Variants in PSMG1 observed in about 807,000 individuals in gnomAD.
PSMG1 encodes the protein Down syndrome critical region gene 2.
PSMG1 carries 23 observed loss-of-function variants against 37.2 expected under a neutral mutation model. The ratio of observed to expected loss-of-function variants is 0.62; its 90% confidence interval spans 0.44 to 0.88. The LOEUF is 0.88. PSMG1 is among the 40% of genes least tolerant of loss of function. The probability of loss-of-function intolerance (pLI) is 0.00; values close to 1 mark genes in which losing one functional copy is unlikely to be tolerated. For synonymous variants in PSMG1, 127 were observed against 128.0 expected, an observed-to-expected ratio of 0.99 and a Z score of 0.05; for missense variants, 340 against 344.2, an observed-to-expected ratio of 0.99 and a Z score of 0.10.
In PSMG1 at chr21:39,183,237, A is replaced by G; in HGVS notation, c.134+15T>C. 1 of 1,571,096 alleles carries G rather than the reference A, an allele frequency of 6.4e-7. No homozygotes were observed. Among genetic ancestry groups the G allele is most frequent in the Admixed American group, 1.8e-5 (1 of 56,888 alleles). ...CAGCTGCGGTGAGCGCGCTGCCCTTATCCCGGTGCCTCACCTCTTCCGCGC... is the reference window on the plus strand; with the variant it reads ...CAGCTGCGGTGAGCGCGCTGCCCTTGTCCCGGTGCCTCACCTCTTCCGCGC... On this transcript the variant is annotated intron_variant, in intron 1 of 6. Coordinates refer to ENST00000331573, the MANE Select transcript of PSMG1 (RefSeq NM_003720.4).
chr21:39,181,528 G>A (rs2146411544), intron 2 of PSMG1, among the ~76,000 whole-genome samples: 1 of 151,928 alleles, frequency 6.6e-6, no homozygotes, highest in Admixed American at 6.5e-5. Flanking sequence ...AGCTGAGGCA[G>A]GAGGATCACT....
In PSMG1 at chr21:39,174,782, G is replaced by C. The variant is rs1350281811; in HGVS notation, c.*808C>G. 6.6e-6 allele frequency: 1 copy of C among 152,188 alleles called. No individual in the cohort carries two copies. Among genetic ancestry groups the C allele is most frequent in the Non-Finnish European group, 1.5e-5 (1 of 68,038 alleles). The allele number at this position is 152,188 out of a possible 1,614,324, so 9.4% of individuals were successfully genotyped here. On this transcript the variant is annotated 3_prime_UTR_variant, in exon 7 of 7. Coordinates refer to ENST00000331573, the MANE Select transcript of PSMG1 (RefSeq NM_003720.4). ...AGTTTGTGGTCCTGTGAAGTTGTGT[G>C]GCTACTCCGGGTTCATGATTCCATT... is the stretch of plus-strand genomic sequence containing the variant.
chr21:39,178,966 G>A, intron 4 of PSMG1: 2 of 347,006 alleles, frequency 5.8e-6, no homozygotes, highest in Non-Finnish European at 1.1e-5. Flanking sequence ...GGAGGTGACT[G>A]GATATGGGGG....
rs538626938 is a variant in PSMG1, at chr21:39,181,385, C to T, written c.241+387G>A. On this transcript the variant is annotated intron_variant, in intron 2 of 6. Coordinates refer to ENST00000331573, the MANE Select transcript of PSMG1 (RefSeq NM_003720.4). ...TCCTGGCCTCAAGTGATCCTCCCGC[C>T]TCGGCCTCCCAAAGAGCTGGGGTTA... is the stretch of plus-strand genomic sequence containing the variant. 8.5e-5 allele frequency among the ~76,000 whole-genome samples: 13 copies of T among 152,088 alleles called. No homozygotes were observed. The South Asian group carries it at 2.7e-3, about 32-fold the overall frequency.
intron 4 of PSMG1, among the ~76,000 whole-genome samples, chr21:39,179,306 C>T (rs1399038860): frequency 6.6e-6 from 1 of 152,182 alleles, no homozygotes; most frequent in Non-Finnish European, 1.5e-5. Flanking sequence ...AATGCCAGCA[C>T]TACCTACTTA....
At position 39,178,629 on chromosome 21, in the gene PSMG1, T is replaced by C; in HGVS notation, c.475A>G (p.Arg159Gly). The change falls in exon 5 of 7, where the codon AGG becomes GGG. Residue 159 changes from arginine (R) to glycine (G), a missense_variant. Physicochemically the swap from Arg to Gly is moderately radical, Grantham distance 125. Coordinates refer to ENST00000331573, the MANE Select transcript of PSMG1 (RefSeq NM_003720.4). ...WLEKVFGSCP[R>G]KNMQITILTC... ...AGAATAGTTATCTGCATGTTCTTCC[T>C]TGGACAAGAGCCAAAAACCTAACAT... 2 of 1,613,664 alleles carry C rather than the reference T, an allele frequency of 1.2e-6. No individual in the cohort carries two copies. Among genetic ancestry groups the C allele is most frequent in the South Asian group, 1.1e-5 (1 of 90,878 alleles).
At chr21:39,182,777 C>G (rs1224685294) in intron 1 of PSMG1, among the ~76,000 whole-genome samples, 3 of 152,114 alleles carry the variant, frequency 2.0e-5, no homozygotes, top group Admixed American at 2.0e-4. Flanking sequence ...CGGCTACTGA[C>G]ACATCATGCT....
chr21:39,178,547 G>A lies in PSMG1; in HGVS notation c.557C>T (p.Ser186Phe). Residue 186 changes from serine to phenylalanine, a missense_variant, in exon 5 of 7, where the codon TCT becomes TTT. Transcript: ENST00000331573. ...TGTTTTTAGGGCTCTCAGGAAAGGA[G>A]AAGGAAGGCTGCCGGTGGATTCTGA... ...KTSESTGSLP[S>F]PFLRALKTQN... The A allele has an allele frequency of 1.9e-6, 3 of 1,614,138 alleles. No homozygotes were observed. The highest frequency in any genetic ancestry group is 2.5e-6 in the Non-Finnish European group (3 of 1,179,990).
chr21:39,179,757 C>T (rs769470222), intron 4 of PSMG1, among the ~76,000 whole-genome samples, 167 bp downstream of exon 4: 2 of 152,032 alleles, frequency 1.3e-5, no homozygotes, highest in African/African-American at 2.4e-5. Flanking sequence ...TGGTTGGTCA[C>T]GTTAAATAAG....
intron 2 of PSMG1, among the ~76,000 whole-genome samples, chr21:39,180,758 T>C (rs1483015079): frequency 6.6e-6 from 1 of 152,222 alleles, no homozygotes; most frequent in Non-Finnish European, 1.5e-5. Context: ...CCATAGTTAC[T>C]TGCCATCATG....
At chr21:39,182,881 C>T (rs554454057) in intron 1 of PSMG1, among the ~76,000 whole-genome samples, 7 of 152,322 alleles carry the variant, frequency 4.6e-5, no homozygotes, top group African/African-American at 1.7e-4. Flanking sequence ...CGCGGGAGCG[C>T]TGCGGCCCAA....
intron 5 of PSMG1, 77 bp downstream of exon 5, chr21:39,178,372 A>G (rs1180718879): frequency 2.9e-6 from 4 of 1,369,526 alleles, no homozygotes; most frequent in Non-Finnish European, 3.1e-6. Flanking sequence ...AACTACCTCA[A>G]AAAGACCTCT....
chr21:39,176,114 A>G (rs1380872908), intron 6 of PSMG1, among the ~76,000 whole-genome samples: 3 of 152,212 alleles, frequency 2.0e-5, no homozygotes, highest in Non-Finnish European at 2.9e-5. Flanking sequence ...TATTGAAAAT[A>G]CCACTTTTAA....
intron 5 of PSMG1, among the ~76,000 whole-genome samples, chr21:39,178,038 T>C (rs2030688963): frequency 6.6e-6 from 1 of 152,196 alleles, no homozygotes. Context: ...AGTCTCTTTG[T>C]CATATGATGG....
chr21:39,178,346 T>A (rs921385181), intron 5 of PSMG1, 103 bp downstream of exon 5: 2 of 1,013,778 alleles, frequency 2.0e-6, no homozygotes, highest in African/African-American at 3.2e-5. Context: ...TATATTGGTA[T>A]CAATCATCAT....
chr21:39,181,727 T>A, intron 2 of PSMG1, 45 bp downstream of exon 2: 1 of 1,295,402 alleles, frequency 7.7e-7, no homozygotes, highest in South Asian at 1.5e-5. Context: ...TAAGTATATT[T>A]CATTCTTTCA....
intron 5 of PSMG1, among the ~76,000 whole-genome samples, chr21:39,178,014 G>A (rs960945936): frequency 6.6e-5 from 10 of 152,122 alleles, no homozygotes; most frequent in African/African-American, 1.7e-4. Flanking sequence ...ATTACCCACT[G>A]AAAAGTAAAT....
intron 5 of PSMG1, among the ~76,000 whole-genome samples, chr21:39,178,134 T>C (rs80051150): frequency 0.018 from 2,787 of 152,334 alleles, 35 homozygotes; most frequent in Non-Finnish European, 0.03. Context: ...TAAAATGTAC[T>C]TTATCAACTT....
rs1385169313 is a variant in PSMG1, at chr21:39,175,631, A to G, written c.826T>C (p.Leu276=). Residue 276 remains leucine (L), a synonymous_variant, in exon 7 of 7, where the codon TTG becomes CTG. Coordinates refer to ENST00000331573, the MANE Select transcript of PSMG1 (RefSeq NM_003720.4). The part of the protein sequence containing the change: ...IPQSTEILKK[L]MTTNEIQSNI... ...CTCTGAATCTCATTTGTTGTCATCA[A>G]TTTCTTTAGTATCTCAGTGCTTTGG... 2.5e-6 allele frequency: 4 copies of G among 1,591,986 alleles called. No homozygotes were observed. The Admixed American group carries it at 5.0e-5, about 20-fold the overall frequency.
Sources: gnomAD v4.1 joint callset for allele counts (sites outside exome capture counted in the v4.1 genomes callset) on GRCh38, gnomAD v4.1.1 for gene constraint, MANE v1.5 for transcripts, NCBI Gene and HGNC (gene_info 2026-07-23, HGNC 2026-07-21) for gene names.